Variants in MIER1 observed in about 807,000 individuals in gnomAD.
The protein encoded by MIER1 is MIER1 transcriptional regulator.
MIER1 carries 40 observed loss-of-function variants against 75.7 expected under a neutral mutation model. The ratio of observed to expected loss-of-function variants is 0.53; its 90% CI spans 0.41 to 0.69. The LOEUF (loss-of-function observed/expected upper bound fraction) is 0.69, where lower values mean the gene tolerates loss of function less well. MIER1 is among the 30% of genes least tolerant of loss of function. The pLI is 0.00. For missense variants in MIER1, 574 were observed against 680.2 expected (o/e 0.84, Z 1.74); for synonymous variants, 213 against 223.4 (o/e 0.95, Z 0.42).
chr1:66,946,053 T>G, intron 3 of MIER1, 97 bp from the exon 4 acceptor site: 1 of 1,169,136 alleles, frequency 8.6e-7, no homozygotes, highest in Non-Finnish European at 1.2e-6. Context: ...CTTGGTACTT[T>G]TGACTTACAT....
intron 8 of MIER1, 54 bp from the exon 9 acceptor site, chr1:66,970,754 A>G: frequency 7.4e-7 from 1 of 1,356,290 alleles, no homozygotes; most frequent in Non-Finnish European, 9.9e-7. Flanking sequence ...ATGTTTTAAC[A>G]CAAACTCTAT....
intron 2 of MIER1, among the ~76,000 whole-genome samples, chr1:66,929,714 C>T (rs1035067226): frequency 2.0e-5 from 3 of 152,166 alleles, no homozygotes; most frequent in Non-Finnish European, 2.9e-5. Flanking sequence ...ATGAGGATGG[C>T]GGACTGCCTA....
At chr1:66,929,138 T>C in intron 2 of MIER1, 1 of 652,044 alleles carries the variant, frequency 1.5e-6, no homozygotes, top group South Asian at 1.7e-5. Context: ...GCCTCCCCTA[T>C]ATTGCATTAT....
chr1:66,964,353 G>A (rs1380544855), intron 8 of MIER1, among the ~76,000 whole-genome samples: 6 of 151,622 alleles, frequency 4.0e-5, no homozygotes, highest in Non-Finnish European at 8.8e-5. Context: ...GATTACAGGT[G>A]TGAGCCACCA....
chr1:66,953,982 G>T (rs899932820), intron 4 of MIER1, among the ~76,000 whole-genome samples: 6 of 152,066 alleles, frequency 3.9e-5, no homozygotes, highest in Non-Finnish European at 7.4e-5. Context: ...ATAACGTTGT[G>T]TAAAAATAAA....
Position 66,958,157 on chromosome 1 carries a change from A to AGAAGGT in MIER1, c.443_448dup (p.Gly148_Glu149dup). 2 of 1,603,002 alleles carry AGAAGGT rather than the reference A, an allele frequency of 1.2e-6. No homozygotes were observed. Among genetic ancestry groups the AGAAGGT allele is most frequent in the Non-Finnish European group, 1.7e-6 (2 of 1,170,000 alleles). ...ATGAGGAAGAGGAAGAAGAGGAAGAAGAAGGTGAAGATGATGAAGATGCTG... is the reference window on the plus strand; with the variant it reads ...ATGAGGAAGAGGAAGAAGAGGAAGAAGAAGGTGAAGGTGAAGATGATGAAGATGCTG... On this transcript the variant is annotated inframe_insertion, in exon 5 of 14. Coordinates refer to ENST00000401041, the MANE Select transcript of MIER1 (RefSeq NM_001077700.3).
chr1:66,962,420 C>T (rs1661437882), intron 7 of MIER1, among the ~76,000 whole-genome samples: 1 of 152,172 alleles, frequency 6.6e-6, no homozygotes, highest in Admixed American at 6.5e-5. Context: ...AGACTTCAGT[C>T]TATGTCAGAA....
At chr1:66,934,565 T>C (rs1351758455) in intron 2 of MIER1, among the ~76,000 whole-genome samples, 2 of 114,050 alleles carry the variant, frequency 1.8e-5, no homozygotes, top group East Asian at 2.9e-4. Context: ...TGTGCCATCA[T>C]GCCCGGCTTT....
intron 2 of MIER1, among the ~76,000 whole-genome samples, chr1:66,930,574 G>T (rs1346142704): frequency 6.6e-6 from 1 of 152,040 alleles, no homozygotes; most frequent in Admixed American, 6.5e-5. Flanking sequence ...ACTTAGTTGG[G>T]ATGGGTCCGG....
At position 66,987,895 on chromosome 1, in the gene MIER1, T is replaced by G. The variant is rs1422849768; in HGVS notation, c.*2995T>G. ...TCTTCCCCTTTGCCACAAGAGATCCTTTCAGTCCCTAGACCTCCATTCACT... is the reference window on the plus strand; with the variant it reads ...TCTTCCCCTTTGCCACAAGAGATCCGTTCAGTCCCTAGACCTCCATTCACT... On this transcript the variant is annotated 3_prime_UTR_variant, in exon 14 of 14. Transcript: ENST00000401041. 1 of 151,834 alleles carries G rather than the reference T, an allele frequency of 6.6e-6. No homozygotes were observed. The highest frequency in any genetic ancestry group is 1.5e-5 in the Non-Finnish European group (1 of 68,002). 9.4% of individuals were successfully genotyped at this position (151,834 alleles called of 1,614,324 possible). A position where few individuals can be genotyped will look rare whatever the true frequency, so the allele number is the denominator to read the frequency against.
At chr1:66,978,616 T>C (rs1003974584) in intron 12 of MIER1, among the ~76,000 whole-genome samples, 2 of 152,230 alleles carry the variant, frequency 1.3e-5, no homozygotes, top group Non-Finnish European at 2.9e-5. Context: ...TTCAAGGTAT[T>C]ATATAGGGAA....
chr1:66,984,612 G>C lies in MIER1; in HGVS notation c.1410G>C (p.Glu470Asp). Residue 470 changes from glutamate to aspartate, a missense_variant, in exon 14 of 14, where the codon GAG (glutamate) becomes GAC (aspartate). By Grantham distance (45) the Glu-to-Asp change is conservative (BLOSUM62 2). Around this residue, in one of 3 missense-constraint regions of MIER1, gnomAD observed 164 missense variants for 154.3 expected, o/e 1.06. Transcript: ENST00000401041. The stretch of plus-strand genomic sequence containing the variant: ...GACCAGGTGAAATATTAAACAAAGA[G>C]GAAGTAAAAGTTGAAGGGTTACACA... ...SNGPGEILNK[E>D]EVKVEGLHIN... is the part of the protein sequence containing the mutation. 6.2e-7 allele frequency: 1 copy of C among 1,609,288 alleles called. No individual in the cohort carries two copies. The highest frequency in any genetic ancestry group is 1.1e-5 in the South Asian group (1 of 89,480).
chr1:66,964,365 G>T (rs181666060), intron 8 of MIER1, among the ~76,000 whole-genome samples: 206 of 151,606 alleles, frequency 1.4e-3, no homozygotes, highest in Middle Eastern at 0.01. Context: ...GAGCCACCAT[G>T]CCTGGCTGAA....
Position 66,971,170 on chromosome 1 carries a change from GC to G in MIER1, c.924+213del, listed in dbSNP as rs1341879759. 1.3e-5 allele frequency among the ~76,000 whole-genome samples: 2 copies of G among 152,014 alleles called. 1 individual carries two copies. The highest frequency in any genetic ancestry group is 2.9e-5 in the Non-Finnish European group (2 of 67,932). On this transcript the variant is annotated intron_variant, in intron 9 of 13. Coordinates refer to ENST00000401041, the MANE Select transcript of MIER1 (RefSeq NM_001077700.3). ...ACGAAACAAAAACCTGTTTTATTTT[GC>G]CTGTATATACTTTTCATTAGGCTTT...
In MIER1 at chr1:66,988,029, A is replaced by G. The variant is rs892576466; in HGVS notation, c.*3129A>G. ...GCAAAATAAAACTTGTTTTGTCACA[A>G]TATTTTCTTTGCTATCGATGGATAA... is the stretch of plus-strand genomic sequence containing the variant. On this transcript the variant is annotated 3_prime_UTR_variant, in exon 14 of 14. Transcript: ENST00000401041. 1.3e-5 allele frequency: 2 copies of G among 152,310 alleles called. No homozygotes were observed. Among genetic ancestry groups the G allele is most frequent in the African/African-American group, 4.8e-5 (2 of 41,460 alleles). The allele number at this position is 152,310 out of a possible 1,614,324, so 9.4% of individuals were successfully genotyped here. A position where few individuals can be genotyped will look rare whatever the true frequency, so the allele number is the denominator to read the frequency against.
chr1:66,936,881 C>T (rs1654984768), intron 2 of MIER1, among the ~76,000 whole-genome samples: 1 of 151,104 alleles, frequency 6.6e-6, no homozygotes, highest in Admixed American at 6.6e-5. Flanking sequence ...CACCTGTAGT[C>T]CCAGCTACTC....
At chr1:66,940,091 T>G in intron 3 of MIER1, 39 bp downstream of exon 3, 1 of 1,498,528 alleles carries the variant, frequency 6.7e-7, no homozygotes, top group East Asian at 2.3e-5. Flanking sequence ...TCGATTTGAG[T>G]AACATTTGTC....
At chr1:66,956,254 CTA>C (rs1308833323) in intron 4 of MIER1, among the ~76,000 whole-genome samples, 2 of 151,998 alleles carry the variant, frequency 1.3e-5, no homozygotes, top group African/African-American at 4.8e-5. Flanking sequence ...AAACCCTTCT[CTA>C]TGAAAAATAC....
At chr1:66,936,029 A>AC (rs1369651526) in intron 2 of MIER1, among the ~76,000 whole-genome samples, 2 of 152,158 alleles carry the variant, frequency 1.3e-5, no homozygotes, top group East Asian at 3.8e-4. Flanking sequence ...TTTTTAAAAT[A>AC]TATCAGTAGG....
Sources: gnomAD v4.1 joint callset for allele counts (sites outside exome capture counted in the v4.1 genomes callset) on GRCh38, gnomAD v4.1.1 for gene constraint, gnomAD v4.1.1 regional missense constraint, MANE v1.5 for transcripts, NCBI Gene and HGNC (gene_info 2026-07-23, HGNC 2026-07-21) for gene names.